TGDS: variants seen among roughly 807,000 people sequenced by gnomAD.
TGDS encodes the protein UDP-D-glucose 4,6-dehydratase.
In TGDS, 47 loss-of-function variants were observed where a neutral mutation model predicts 52.3. The observed-to-expected ratio is 0.90, with a 90% CI of 0.71 to 1.15. TGDS has a LOEUF of 1.15. TGDS is among the 50% of genes most tolerant of loss of function. The probability of loss-of-function intolerance (pLI) is 0.00; values close to 1 mark genes in which losing one functional copy is unlikely to be tolerated. For synonymous variants in TGDS, 115 were observed against 136.9 expected, an observed-to-expected ratio of 0.84 and a Z score of 1.12; for missense variants, 375 against 418.4, an observed-to-expected ratio of 0.90 and a Z score of 0.90.
chr13:94,582,147 A>G (rs572331936), intron 5 of TGDS, among the ~76,000 whole-genome samples: 4 of 152,172 alleles, frequency 2.6e-5, no homozygotes, highest in Admixed American at 6.5e-5. Flanking sequence ...GTGGCTAGTC[A>G]AGATTGAACC....
intron 4 of TGDS, among the ~76,000 whole-genome samples, chr13:94,588,295 T>C (rs986971553): frequency 6.6e-6 from 1 of 150,728 alleles, no homozygotes; most frequent in African/African-American, 2.4e-5. Context: ...TGGTGGCGCA[T>C]GCCTGTAATC....
intron 4 of TGDS, among the ~76,000 whole-genome samples, chr13:94,585,272 G>A (rs6492717): frequency 6.6e-6 from 1 of 151,564 alleles, no homozygotes; most frequent in Non-Finnish European, 1.5e-5. Context: ...GGTCTTGAAC[G>A]CCTGACCTCA....
chr13:94,595,874 C>T, intron 1 of TGDS, 177 bp downstream of exon 1: 1 of 686,140 alleles, frequency 1.5e-6, no homozygotes, highest in South Asian at 1.8e-5. Context: ...TTCAAAGGAA[C>T]CACTTCTTTG....
At chr13:94,586,241 A>C (rs1269937555) in intron 4 of TGDS, among the ~76,000 whole-genome samples, 4 of 152,232 alleles carry the variant, frequency 2.6e-5, no homozygotes, top group African/African-American at 7.2e-5. Context: ...TAAAAAAATC[A>C]AAATCCAAAT....
At chr13:94,579,445 C>T (rs1032347667) in intron 7 of TGDS, 2 of 152,910 alleles carry the variant, frequency 1.3e-5, no homozygotes, top group African/African-American at 4.8e-5. Flanking sequence ...AGTTGAGGCA[C>T]AGTTAGCCAG....
intron 2 of TGDS, among the ~76,000 whole-genome samples, chr13:94,592,689 T>C (rs1008191765): frequency 6.6e-6 from 1 of 151,962 alleles, no homozygotes; most frequent in Non-Finnish European, 1.5e-5. Context: ...CTCCTGACCT[T>C]GTGATCCGCC....
intron 11 of TGDS, 141 bp downstream of exon 11, chr13:94,576,173 G>C (rs1008022456): frequency 1.4e-5 from 7 of 501,082 alleles, no homozygotes; most frequent in African/African-American, 8.0e-5. Context: ...ACTGCTACTA[G>C]AAATATATGA....
chr13:94,577,461 T>C, intron 9 of TGDS, 32 bp from the exon 10 acceptor site: 1 of 1,524,536 alleles, frequency 6.6e-7, no homozygotes, highest in African/African-American at 1.4e-5. Flanking sequence ...TTGAGTCAAA[T>C]TATAAAATGA....
Position 94,590,885 on chromosome 13 carries a change from A to AT in TGDS, c.280dup (p.Ile94AsnfsTer20), listed in dbSNP as rs1566964672. On this transcript the variant is annotated frameshift_variant, in exon 4 of 12. Coordinates refer to ENST00000261296, the MANE Select transcript of TGDS (RefSeq NM_014305.4). LOFTEE classifies it high-confidence loss of function. ...TGTTTGTGCGGCAAAATGTAGTACT[A>AT]TATCTATTTTCTCTGTTTCAAAAAG... The AT allele has an allele frequency of 1.3e-6, 2 of 1,576,786 alleles. No homozygotes were observed. The highest frequency in any genetic ancestry group is 1.7e-6 in the Non-Finnish European group (2 of 1,168,760).
At position 94,590,936 on chromosome 13, in the gene TGDS, A is replaced by G. The variant is rs146404830; in HGVS notation, c.230T>C (p.Ile77Thr). The change falls in exon 4 of 12, where the codon ATA becomes ACA. Residue 77 changes from isoleucine to threonine, a missense_variant. Transcript: ENST00000261296. Reference sequence around the variant, plus strand: ...CAGTTTCACAAAGTGAGAATCACATATGTCACCCTATATGAAAAAGCAAAC... The same window carrying G: ...CAGTTTCACAAAGTGAGAATCACATGTGTCACCCTATATGAAAAAGCAAAC... ...KQNYKFIQGD[I>T]CDSHFVKLLF... 7 of 1,570,600 alleles carry G rather than the reference A, an allele frequency of 4.5e-6. No homozygotes were observed. Among genetic ancestry groups the G allele is most frequent in the African/African-American group, 1.4e-5 (1 of 71,938 alleles).
At chr13:94,580,087 A>AT (rs971775999) in intron 6 of TGDS, 134 bp from the exon 7 acceptor site, 2 of 543,136 alleles carry the variant, frequency 3.7e-6, no homozygotes, top group Middle Eastern at 4.1e-4. Flanking sequence ...AAGGGAAGAG[A>AT]TTTTTTTCTA....
At chr13:94,595,331 A>G (rs946524820) in intron 1 of TGDS, among the ~76,000 whole-genome samples, 1 of 152,226 alleles carries the variant, frequency 6.6e-6, no homozygotes, top group Admixed American at 6.5e-5. Flanking sequence ...TTTGGGCTTT[A>G]TTCTTAAGTG....
At chr13:94,588,024 A>G (rs1354363887) in intron 4 of TGDS, among the ~76,000 whole-genome samples, 1 of 151,050 alleles carries the variant, frequency 6.6e-6, no homozygotes, top group Non-Finnish European at 1.5e-5. Context: ...AAAAAGAGAC[A>G]GAAAGAGCAC....
chr13:94,578,627 T>C, intron 8 of TGDS, 103 bp downstream of exon 8: 7 of 830,948 alleles, frequency 8.4e-6, no homozygotes, highest in East Asian at 2.6e-5. Context: ...TAGTGGGGCA[T>C]TCAATTCTAT....
In TGDS at chr13:94,582,025, C is replaced by A. The variant is rs189304132; in HGVS notation, c.457-836G>T. Among the ~76,000 whole-genome samples, 4 of 152,032 alleles carry A rather than the reference C, an allele frequency of 2.6e-5. No homozygotes were observed. In the East Asian group the frequency reaches 7.8e-4, roughly 30 times the overall value. On this transcript the variant is annotated intron_variant, in intron 5 of 11. Coordinates refer to ENST00000261296, the MANE Select transcript of TGDS (RefSeq NM_014305.4). ...GACCAGCCTGACCAACATGGAGAAA[C>A]CCCATCTCTACTAAACTACAAAATT...
chr13:94,591,530 T>A lies in TGDS; in HGVS notation c.223-587A>T, dbSNP rs570276062. Among the ~76,000 whole-genome samples the A allele has an allele frequency of 5.5e-4, 83 of 152,168 alleles. 2 individuals carry two copies. In the South Asian group the frequency reaches 0.017, roughly 31 times the overall value. On this transcript the variant is annotated intron_variant, in intron 3 of 11. Transcript: ENST00000261296. The stretch of plus-strand genomic sequence containing the variant: ...ATTGCTTGAACCCCGGAGGCAGGGG[T>A]CGCAGTGAGCTGAGATCACGCCACT...
At position 94,590,857 on chromosome 13, in the gene TGDS, A is replaced by G. The variant is rs369022499; in HGVS notation, c.309T>C (p.His103=). 3.8e-6 allele frequency: 6 copies of G among 1,567,644 alleles called. No homozygotes were observed. Among genetic ancestry groups the G allele is most frequent in the Admixed American group, 4.3e-5 (2 of 46,672 alleles). ...GTAACATAAAACAATGCTTACCTAC[A>G]TGTGTTTGTGCGGCAAAATGTAGTA... ...DIVLHFAAQT[H]VDLSFVRAFE... is the part of the protein sequence containing the mutation. Residue 103 remains histidine (H), a synonymous_variant, in exon 4 of 12, where the codon CAT becomes CAC. Transcript: ENST00000261296.
chr13:94,593,272 T>C (rs1889269354), intron 2 of TGDS, among the ~76,000 whole-genome samples: 1 of 152,232 alleles, frequency 6.6e-6, no homozygotes, highest in African/African-American at 2.4e-5. Context: ...GTGTTATACA[T>C]ATTATAATTC....
intron 9 of TGDS, 111 bp from the exon 10 acceptor site, chr13:94,577,540 C>A: frequency 1.3e-6 from 1 of 784,490 alleles, no homozygotes; most frequent in Non-Finnish European, 1.9e-6. Context: ...GCAGGGAAGA[C>A]AGCTAAAATG....
Sources: gnomAD v4.1 joint callset for allele counts (sites outside exome capture counted in the v4.1 genomes callset) on GRCh38, gnomAD v4.1.1 for gene constraint, MANE v1.5 for transcripts, NCBI Gene and HGNC (gene_info 2026-07-23, HGNC 2026-07-21) for gene names.